ZFYVE9: variants seen among roughly 807,000 people sequenced by gnomAD.
ZFYVE9 encodes zinc finger FYVE-type containing 9.
ZFYVE9 carries 43 observed loss-of-function variants against 126.7 expected under a neutral mutation model. The observed-to-expected ratio is 0.34, with a 90% CI of 0.27 to 0.44. The LOEUF is 0.44. Ranked by LOEUF, ZFYVE9 falls within the 20% of genes least tolerant of loss-of-function variation. The pLI is 1.00. For missense variants in ZFYVE9, 1,476 were observed against 1,697.0 expected, an observed-to-expected ratio of 0.87 and a Z score of 2.29; for synonymous variants, 521 against 597.4, an observed-to-expected ratio of 0.87 and a Z score of 1.87.
intron 17 of ZFYVE9, among the ~76,000 whole-genome samples, chr1:52,344,514 A>G (rs891278085): frequency 3.3e-5 from 5 of 152,140 alleles, no homozygotes; most frequent in African/African-American, 1.2e-4. Flanking sequence ...CATTGCAACC[A>G]TGGAGGCTTG....
intron 2 of ZFYVE9, among the ~76,000 whole-genome samples, chr1:52,221,697 G>T (rs369660924): frequency 6.6e-6 from 1 of 152,126 alleles, no homozygotes; most frequent in Non-Finnish European, 1.5e-5. Flanking sequence ...GGTGGCCTCC[G>T]TGTTTGTGGG....
At chr1:52,322,327 T>TTAG (rs1646248168) in intron 13 of ZFYVE9, among the ~76,000 whole-genome samples, 1 of 152,054 alleles carries the variant, frequency 6.6e-6, no homozygotes, top group South Asian at 2.1e-4. Context: ...GGTCTTCCTA[T>TTAG]TAGTACCCTT....
chr1:52,309,612 G>A (rs1646119373), intron 13 of ZFYVE9, among the ~76,000 whole-genome samples: 1 of 152,182 alleles, frequency 6.6e-6, no homozygotes, highest in Admixed American at 6.5e-5. Flanking sequence ...CTAGCAAAGA[G>A]GGGGTTAAAG....
intron 4 of ZFYVE9, among the ~76,000 whole-genome samples, chr1:52,261,076 C>A (rs904930339): frequency 6.6e-6 from 1 of 152,098 alleles, no homozygotes; most frequent in Non-Finnish European, 1.5e-5. Context: ...CTTACCCATC[C>A]TTCAGATTTG....
chr1:52,180,671 C>G, intron 1 of ZFYVE9: 5 of 403,488 alleles, frequency 1.2e-5, no homozygotes, highest in South Asian at 1.2e-4. Context: ...CAAATCTTTA[C>G]ATTTTAGAAA....
At chr1:52,334,351 A>T (rs1408150987) in intron 14 of ZFYVE9, among the ~76,000 whole-genome samples, 1 of 152,174 alleles carries the variant, frequency 6.6e-6, no homozygotes, top group African/African-American at 2.4e-5. Context: ...GTTTCAATAA[A>T]ATTTTATTTA....
intron 7 of ZFYVE9, among the ~76,000 whole-genome samples, chr1:52,272,570 G>A (rs183181701): frequency 6.6e-6 from 1 of 151,540 alleles, no homozygotes; most frequent in Non-Finnish European, 1.5e-5. Context: ...GTATTCCATT[G>A]TATGGATATG....
chr1:52,191,801 A>G (rs1403956500), intron 1 of ZFYVE9, among the ~76,000 whole-genome samples: 2 of 152,218 alleles, frequency 1.3e-5, no homozygotes, highest in Non-Finnish European at 2.9e-5. Context: ...TATCCTGGAA[A>G]GAAACCAGTC....
chr1:52,281,610 G>A (rs769974559), intron 9 of ZFYVE9, 51 bp from the exon 10 acceptor site: 9 of 1,593,992 alleles, frequency 5.6e-6, no homozygotes, highest in African/African-American at 4.1e-5. Flanking sequence ...TTTTTTAAGA[G>A]TAAGGATTGA....
chr1:52,296,955 C>G (rs1006232373), intron 12 of ZFYVE9, among the ~76,000 whole-genome samples: 10 of 152,172 alleles, frequency 6.6e-5, no homozygotes, highest in Admixed American at 6.6e-4. Context: ...TATGGGAGCA[C>G]ACTACCACAC....
At chr1:52,339,980 G>C (rs1473177135) in intron 16 of ZFYVE9, 146 bp from the exon 17 acceptor site, 3 of 653,392 alleles carry the variant, frequency 4.6e-6, no homozygotes, top group Non-Finnish European at 2.7e-6. Context: ...TACAGTGGCT[G>C]CTTCTTGCTA....
At chr1:52,175,143 T>C (rs1248132410) in intron 1 of ZFYVE9, among the ~76,000 whole-genome samples, 7 of 152,060 alleles carry the variant, frequency 4.6e-5, no homozygotes, top group Admixed American at 2.0e-4. Context: ...CGGCTGGTAC[T>C]GGTTGTTCCT....
At position 52,274,528 on chromosome 1, in the gene ZFYVE9, A is replaced by G; in HGVS notation, c.2690A>G (p.Asn897Ser). 2 of 1,612,876 alleles carry G rather than the reference A, an allele frequency of 1.2e-6. No individual in the cohort carries two copies. Among genetic ancestry groups the G allele is most frequent in the Non-Finnish European group, 8.5e-7 (1 of 1,179,220 alleles). ...GGAAGTCCTGTTGGAAGTGCAATGA[A>G]TCTTATTCCTGAAGATGGCCTTCCT... ...QVGSPVGSAM[N>S]LIPEDGLPPI... Residue 897 changes from asparagine to serine, a missense_variant, in exon 8 of 19, where the codon AAT (asparagine) becomes AGT (serine). Asn to Ser is a conservative substitution (Grantham distance 46, BLOSUM62 1). Coordinates refer to ENST00000287727, the MANE Select transcript of ZFYVE9 (RefSeq NM_004799.4).
intron 1 of ZFYVE9, among the ~76,000 whole-genome samples, chr1:52,146,330 T>G (rs1644306358): frequency 1.3e-5 from 2 of 152,100 alleles, no homozygotes; most frequent in Admixed American, 1.3e-4. Flanking sequence ...TTGGAAAAGA[T>G]GTAGTTGCAG....
In ZFYVE9 at chr1:52,274,489, G is replaced by A. The variant is rs779146485; in HGVS notation, c.2651G>A (p.Ser884Asn). Residue 884 changes from serine to asparagine, a missense_variant, in exon 8 of 19, where the codon AGT (serine) becomes AAT (asparagine). Around this residue, in one of 2 missense-constraint regions of ZFYVE9, gnomAD observed 669 missense variants for 902.4 expected, o/e 0.74. Transcript: ENST00000287727. The stretch of plus-strand genomic sequence containing the variant: ...ACGGATATTTGTCTATTCTCTGGGA[G>A]TATAACTCAGGTTGGAAGTCCTGTT... ...AETDICLFSG[S>N]ITQVGSPVGS... 2 of 1,611,744 alleles carry A rather than the reference G, an allele frequency of 1.2e-6. No individual in the cohort carries two copies. The highest frequency in any genetic ancestry group is 1.7e-4 in the Middle Eastern group (1 of 6,014).
chr1:52,290,410 A>G (rs1645907103), intron 10 of ZFYVE9, among the ~76,000 whole-genome samples: 1 of 152,238 alleles, frequency 6.6e-6, no homozygotes, highest in Non-Finnish European at 1.5e-5. Flanking sequence ...AAACCACAGC[A>G]TGCTGTTGAT....
At chr1:52,191,005 A>G (rs1280459401) in intron 1 of ZFYVE9, among the ~76,000 whole-genome samples, 2 of 151,714 alleles carry the variant, frequency 1.3e-5, no homozygotes, top group African/African-American at 4.8e-5. Context: ...ATCCCAGCTC[A>G]CTGCAGCTTC....
chr1:52,156,262 C>T (rs1484435710), intron 1 of ZFYVE9, among the ~76,000 whole-genome samples: 3 of 152,166 alleles, frequency 2.0e-5, no homozygotes. Context: ...TTATCTGCTA[C>T]AACAAACATA....
At chr1:52,320,338 G>A (rs1646227880) in intron 13 of ZFYVE9, among the ~76,000 whole-genome samples, 1 of 152,074 alleles carries the variant, frequency 6.6e-6, no homozygotes, top group Non-Finnish European at 1.5e-5. Flanking sequence ...CCAATGTGCT[G>A]GGATTACAGG....
Sources: gnomAD v4.1 joint callset for allele counts (sites outside exome capture counted in the v4.1 genomes callset) on GRCh38, gnomAD v4.1.1 for gene constraint, gnomAD v4.1.1 regional missense constraint, MANE v1.5 for transcripts, NCBI Gene and HGNC (gene_info 2026-07-23, HGNC 2026-07-21) for gene names.